The following TGFBRAP1 variants were observed in gnomAD, a reference collection of about 807,000 sequenced individuals.
TGFBRAP1 encodes transforming growth factor beta receptor associated protein 1.
In TGFBRAP1, 20 loss-of-function variants were observed where a neutral mutation model predicts 83.2. That is an observed-to-expected ratio of 0.24 (90% CI 0.17 to 0.35). The LOEUF (loss-of-function observed/expected upper bound fraction) is 0.35. TGFBRAP1 is among the 10% of genes least tolerant of loss of function. TGFBRAP1 has a pLI of 1.00. For synonymous variants in TGFBRAP1, 415 were observed against 459.8 expected, an observed-to-expected ratio of 0.90 and a Z score of 1.25; for missense variants, 950 against 1,099.4, an observed-to-expected ratio of 0.86 and a Z score of 1.92.
At chr2:105,273,719 G>A in intron 8 of TGFBRAP1, 29 bp from the exon 9 acceptor site, 2 of 1,606,662 alleles carry the variant, frequency 1.2e-6, no homozygotes, top group Non-Finnish European at 1.7e-6. Flanking sequence ...TACAGTGACT[G>A]TGCTTCCCAA....
At chr2:105,329,558 C>A (rs1250053995) in intron 1 of TGFBRAP1, 67 bp downstream of exon 1, 1 of 147,880 alleles carries the variant, frequency 6.8e-6, no homozygotes, top group Non-Finnish European at 1.5e-5. Flanking sequence ...CTGCTCCCCG[C>A]CCTCCTGCCC....
chr2:105,321,540 T>C (rs868078947), intron 1 of TGFBRAP1, among the ~76,000 whole-genome samples: 9 of 152,346 alleles, frequency 5.9e-5, no homozygotes, highest in Middle Eastern at 3.4e-3. Context: ...AATGTTTCTC[T>C]GAGAAGCAGT....
At chr2:105,299,943 G>T (rs966840201) in intron 2 of TGFBRAP1, among the ~76,000 whole-genome samples, 9 of 152,210 alleles carry the variant, frequency 5.9e-5, no homozygotes, top group Non-Finnish European at 1.0e-4. Context: ...CCAAATAGGT[G>T]ATAAAGTCTA....
intron 1 of TGFBRAP1, among the ~76,000 whole-genome samples, chr2:105,312,732 T>G (rs1040827716): frequency 6.6e-6 from 1 of 152,264 alleles, no homozygotes; most frequent in African/African-American, 2.4e-5. Flanking sequence ...TCTTTAAAGA[T>G]GCTAATGTAA....
chr2:105,287,062 G>A (rs1177126456), intron 4 of TGFBRAP1, among the ~76,000 whole-genome samples: 3 of 152,182 alleles, frequency 2.0e-5, no homozygotes, highest in Non-Finnish European at 2.9e-5. Flanking sequence ...ACAGATGAAC[G>A]TTGAGGACAA....
Position 105,308,283 on chromosome 2 carries a change from A to T in TGFBRAP1, c.19T>A (p.Phe7Ile). 1 of 1,612,084 alleles carries T rather than the reference A, an allele frequency of 6.2e-7. No individual in the cohort carries two copies. The highest frequency in any genetic ancestry group is 8.5e-7 in the Non-Finnish European group (1 of 1,178,288). The part of the protein sequence containing the change: MMSIKA[F>I]TLVSAVEREL... ...CGCTCCACAGCAGAGACAAGCGTAA[A>T]GGCTTTGATGCTCATCATGTCTACT... is the stretch of plus-strand genomic sequence containing the variant. Residue 7 changes from phenylalanine to isoleucine, a missense_variant, in exon 2 of 12, where the codon TTT becomes ATT. Phe to Ile is a conservative substitution (Grantham distance 21). Transcript: ENST00000393359.
intron 5 of TGFBRAP1, 58 bp from the exon 6 acceptor site, chr2:105,280,781 C>T (rs1677511585): frequency 1.3e-6 from 2 of 1,519,242 alleles, no homozygotes. Flanking sequence ...CACATAGGCA[C>T]ACAAAACAGC....
intron 1 of TGFBRAP1, among the ~76,000 whole-genome samples, chr2:105,322,198 A>C (rs1162042769): frequency 6.6e-6 from 1 of 152,172 alleles, no homozygotes; most frequent in African/African-American, 2.4e-5. Context: ...AAGAAAGAAA[A>C]AACTTATAGA....
chr2:105,303,941 T>C (rs1573202201), intron 2 of TGFBRAP1, among the ~76,000 whole-genome samples: 1 of 152,062 alleles, frequency 6.6e-6, no homozygotes, highest in Non-Finnish European at 1.5e-5. Flanking sequence ...AAAAAAGAGA[T>C]GAAGCAGAAA....
intron 4 of TGFBRAP1, among the ~76,000 whole-genome samples, chr2:105,292,718 G>A (rs1677954550): frequency 6.6e-6 from 1 of 152,012 alleles, no homozygotes; most frequent in Non-Finnish European, 1.5e-5. Flanking sequence ...AGTAAAAGGG[G>A]GGAGGCAGTG....
At chr2:105,316,420 AGTGT>A (rs71393002) in intron 1 of TGFBRAP1, among the ~76,000 whole-genome samples, 6,545 of 109,050 alleles carry the variant, frequency 0.06, 202 homozygotes, top group South Asian at 0.07. Context: ...AGGTATAGGG[AGTGT>A]GTGTGTGTGT....
At chr2:105,255,444 C>T in the TGFBRAP1 span, among the ~76,000 whole-genome samples, 2 of 152,176 alleles carry the variant, frequency 1.3e-5, no homozygotes, top group Admixed American at 6.5e-5. Flanking sequence ...GCCTCAGCCT[C>T]CTGAGTAGCT....
rs530808261 is a variant in TGFBRAP1, at chr2:105,289,905, G to A, written c.1039-5507C>T. 7.2e-5 allele frequency among the ~76,000 whole-genome samples: 11 copies of A among 152,334 alleles called. No individual in the cohort carries two copies. The East Asian group carries it at 2.1e-3, about 29-fold the overall frequency. On this transcript the variant is annotated intron_variant, in intron 4 of 11. Coordinates refer to ENST00000393359, the MANE Select transcript of TGFBRAP1 (RefSeq NM_004257.6). ...CAATTTAAATTATTACAGGACACCT[G>A]AAAGTGTCCATTTCCCCACTTTCAC...
chr2:105,284,071 G>A (rs1179818014), intron 5 of TGFBRAP1, among the ~76,000 whole-genome samples: 1 of 152,144 alleles, frequency 6.6e-6, no homozygotes, highest in East Asian at 1.9e-4. Context: ...CACAGGACTA[G>A]TGTCTGTGCC....
At chr2:105,307,231 G>A (rs1573206355) in intron 2 of TGFBRAP1, among the ~76,000 whole-genome samples, 2 of 152,224 alleles carry the variant, frequency 1.3e-5, no homozygotes, top group South Asian at 4.2e-4. Flanking sequence ...AGAACGTACT[G>A]TCTCTCTCCA....
the TGFBRAP1 span, among the ~76,000 whole-genome samples, chr2:105,251,589 C>A: frequency 6.6e-6 from 1 of 151,624 alleles, no homozygotes; most frequent in Non-Finnish European, 1.5e-5. Context: ...CCCGGCCGCC[C>A]CTACTGGGAA....
intron 1 of TGFBRAP1, among the ~76,000 whole-genome samples, chr2:105,328,598 C>A (rs1404430113): frequency 1.3e-5 from 2 of 152,202 alleles, no homozygotes; most frequent in African/African-American, 4.8e-5. Context: ...AGCCAACACA[C>A]ACAACGCAGT....
intron 4 of TGFBRAP1, 87 bp from the exon 5 acceptor site, chr2:105,284,485 G>T: frequency 1.7e-6 from 2 of 1,175,710 alleles, no homozygotes; most frequent in Non-Finnish European, 2.5e-6. Context: ...ATAAGTGTTC[G>T]TTATAACATA....
chr2:105,267,906 G>A, intron 11 of TGFBRAP1: 1 of 983,122 alleles, frequency 1.0e-6, no homozygotes, highest in Non-Finnish European at 1.2e-6. Flanking sequence ...TGCTGAATGA[G>A]ACCATATAAT....
Sources: allele counts gnomAD v4.1 joint callset (sites outside exome capture counted in the v4.1 genomes callset), GRCh38; gene constraint gnomAD v4.1.1; transcripts MANE v1.5; gene names NCBI Gene and HGNC (gene_info 2026-07-23, HGNC 2026-07-21).